Variants in DENND1A observed in about 807,000 individuals in gnomAD.
The protein encoded by DENND1A is DENN domain-containing protein 1A.
A neutral mutation model predicts 113.7 loss-of-function variants in DENND1A; 51 were observed. The observed-to-expected ratio is 0.45, with a 90% CI of 0.36 to 0.57. DENND1A has a LOEUF of 0.57. Among genes scored for constraint, DENND1A ranks in the 20% least tolerant of loss-of-function variants. The pLI, the probability that DENND1A is intolerant of heterozygous loss-of-function variation, is 0.00. For synonymous variants in DENND1A, 565 were observed against 570.8 expected (o/e 0.99, Z 0.14); for missense variants, 1,258 against 1,395.9 (o/e 0.90, Z 1.57).
chr9:123,816,552 A>C (rs1329137776), intron 2 of DENND1A, among the ~76,000 whole-genome samples: 1 of 152,230 alleles, frequency 6.6e-6, no homozygotes, highest in Non-Finnish European at 1.5e-5. Context: ...TTATAATATA[A>C]TATGATCCTT....
chr9:123,383,967 CA>C, intron 22 of DENND1A, 54 bp from the exon 23 acceptor site: 1 of 1,568,690 alleles, frequency 6.4e-7, no homozygotes, highest in East Asian at 2.3e-5. Context: ...AGGGGAGGAG[CA>C]AGCGGACTCC....
chr9:123,809,956 G>C (rs1205180196), intron 2 of DENND1A, among the ~76,000 whole-genome samples: 1 of 152,118 alleles, frequency 6.6e-6, no homozygotes, highest in African/African-American at 2.4e-5. Context: ...ATTTAGGCAG[G>C]AGCCACCGGT....
intron 1 of DENND1A, among the ~76,000 whole-genome samples, chr9:123,924,740 GTT>G (rs1856813514): frequency 6.6e-6 from 1 of 151,958 alleles, no homozygotes; most frequent in African/African-American, 2.4e-5. Flanking sequence ...ATCTTAAACA[GTT>G]TTCAGATTAC....
At chr9:123,692,368 G>C (rs964252524) in intron 5 of DENND1A, among the ~76,000 whole-genome samples, 1 of 152,158 alleles carries the variant, frequency 6.6e-6, no homozygotes, top group Non-Finnish European at 1.5e-5. Flanking sequence ...TTTTAAGATT[G>C]CGTCAATCAC....
intron 5 of DENND1A, among the ~76,000 whole-genome samples, chr9:123,740,878 A>C (rs1031669094): frequency 7.5e-6 from 1 of 134,036 alleles, no homozygotes; most frequent in Non-Finnish European, 1.6e-5. Context: ...AAGGTAAAGA[A>C]AGATGCTGAG....
intron 9 of DENND1A, among the ~76,000 whole-genome samples, chr9:123,637,910 AACACACAC>A (rs10539797): frequency 6.8e-6 from 1 of 146,014 alleles, no homozygotes; most frequent in Non-Finnish European, 1.5e-5. Flanking sequence ...GGAAGGAATA[AACACACAC>A]ACACACACAC....
At chr9:123,482,417 C>A (rs1040467566) in intron 13 of DENND1A, among the ~76,000 whole-genome samples, 1 of 152,176 alleles carries the variant, frequency 6.6e-6, no homozygotes, top group Admixed American at 6.5e-5. Context: ...TATTTTTTAA[C>A]ACAAACACAC....
intron 19 of DENND1A, among the ~76,000 whole-genome samples, chr9:123,420,650 C>T (rs1028820894): frequency 2.6e-5 from 4 of 152,192 alleles, no homozygotes; most frequent in East Asian, 3.9e-4. Context: ...CATTCTTCCC[C>T]GATGTTGACA....
Position 123,829,599 on chromosome 9 carries a change from CAGAT to C in DENND1A, c.89-36973_89-36970del, listed in dbSNP as rs1233648861. ...TTGAAGATAGGAAAAGAAAATCAAACAGATGGATAATAAAAGGCAAAAGAAGAAA... is the reference window on the plus strand; with the variant it reads ...TTGAAGATAGGAAAAGAAAATCAAACGGATAATAAAAGGCAAAAGAAGAAA... On this transcript the variant is annotated intron_variant, in intron 2 of 23. Transcript: ENST00000394215. 2.0e-5 allele frequency among the ~76,000 whole-genome samples: 3 copies of C among 151,702 alleles called. 1 individual carries two copies. The highest frequency in any genetic ancestry group is 1.3e-4 in the Admixed American group (2 of 15,222).
In DENND1A at chr9:123,422,428, G is replaced by A. The variant is rs937325866; in HGVS notation, c.1489-10599C>T. On this transcript the variant is annotated intron_variant, in intron 19 of 23. Coordinates refer to ENST00000394215, the MANE Select transcript of DENND1A (RefSeq NM_001352964.2). This position sits in a 1 kb window ranked among gnomAD's most constrained non-coding sequence, Gnocchi z 4.8. ...AGTGGAATGCAAACGTGGAAGCAAT[G>A]GGAAGCTTAGATATGAAATATCCCA... 1.3e-5 allele frequency among the ~76,000 whole-genome samples: 2 copies of A among 152,132 alleles called. No homozygotes were observed. The highest frequency in any genetic ancestry group is 2.9e-5 in the Non-Finnish European group (2 of 68,030).
chr9:123,583,155 A>G lies in DENND1A; in HGVS notation c.867+14T>C, dbSNP rs1413290551. The G allele has an allele frequency of 6.3e-7, 1 of 1,588,796 alleles. No homozygotes were observed. Among genetic ancestry groups the G allele is most frequent in the Non-Finnish European group, 8.6e-7 (1 of 1,163,694 alleles). On this transcript the variant is annotated intron_variant, in intron 12 of 23. Coordinates refer to ENST00000394215, the MANE Select transcript of DENND1A (RefSeq NM_001352964.2). ...AGCTCACAGAAGTGAGATCCTCGCA[A>G]GCTCATTACCTACCACGTCGTTTGG...
chr9:123,789,003 A>G (rs1327650931), intron 3 of DENND1A, among the ~76,000 whole-genome samples: 1 of 151,984 alleles, frequency 6.6e-6, no homozygotes, highest in Non-Finnish European at 1.5e-5. Flanking sequence ...CTAGCTAAGC[A>G]TTAAACAAAA....
In DENND1A at chr9:123,466,070, G is replaced by A. The variant is rs138579652; in HGVS notation, c.994-8173C>T. On this transcript the variant is annotated intron_variant, in intron 13 of 23. Coordinates refer to ENST00000394215, the MANE Select transcript of DENND1A (RefSeq NM_001352964.2). ...GGCTGGAGTGCAGTGGCGCGATCTCGGCTCACTACAAGCTCCACCTCAGGT... is the reference window on the plus strand; with the variant it reads ...GGCTGGAGTGCAGTGGCGCGATCTCAGCTCACTACAAGCTCCACCTCAGGT... 4.4e-3 allele frequency among the ~76,000 whole-genome samples: 669 copies of A among 152,104 alleles called. 4 individuals carry two copies. The highest frequency in any genetic ancestry group is 0.015 in the African/African-American group (633 of 41,494).
intron 18 of DENND1A, among the ~76,000 whole-genome samples, chr9:123,443,966 AT>A (rs547658294): frequency 2.6e-5 from 4 of 151,124 alleles, no homozygotes; most frequent in Non-Finnish European, 3.0e-5. Flanking sequence ...CAAGAAAAAA[AT>A]AAGGTGGGGG....
intron 19 of DENND1A, among the ~76,000 whole-genome samples, chr9:123,421,707 A>C (rs1324394824): frequency 6.6e-6 from 1 of 152,148 alleles, no homozygotes; most frequent in African/African-American, 2.4e-5. Flanking sequence ...AATGAGAAGA[A>C]TTCTCCTCAT....
intron 5 of DENND1A, among the ~76,000 whole-genome samples, chr9:123,685,799 C>T (rs569813147): frequency 2.6e-5 from 4 of 152,186 alleles, no homozygotes; most frequent in African/African-American, 9.6e-5. Context: ...AGCACATAGG[C>T]CTTTCATCAT....
chr9:123,777,799 G>A (rs992402043), intron 3 of DENND1A, among the ~76,000 whole-genome samples: 5 of 152,180 alleles, frequency 3.3e-5, no homozygotes, highest in Non-Finnish European at 7.3e-5. Flanking sequence ...AACACTGTGA[G>A]CAGAATATGA....
At chr9:123,459,217 A>G (rs1233206412) in intron 13 of DENND1A, among the ~76,000 whole-genome samples, 3 of 152,218 alleles carry the variant, frequency 2.0e-5, no homozygotes, top group African/African-American at 4.8e-5. Context: ...CCTGAGTTCC[A>G]TAATGCAGAG....
chr9:123,837,000 T>G (rs1841147902), intron 2 of DENND1A, among the ~76,000 whole-genome samples: 1 of 152,206 alleles, frequency 6.6e-6, no homozygotes, highest in Non-Finnish European at 1.5e-5. Flanking sequence ...TACCTCATAT[T>G]ATTACATTTC....
Sources: gnomAD v4.1 joint callset for allele counts (sites outside exome capture counted in the v4.1 genomes callset) on GRCh38, gnomAD v4.1.1 for gene constraint, Gnocchi (gnomAD v3.1) non-coding constraint, MANE v1.5 for transcripts, NCBI Gene and HGNC (gene_info 2026-07-23, HGNC 2026-07-21) for gene names.